PDXDC1: variants seen among roughly 807,000 people sequenced by gnomAD.
The protein encoded by PDXDC1 is pyridoxal dependent decarboxylase domain containing 1.
PDXDC1 carries 42 observed loss-of-function variants against 100.1 expected under a neutral mutation model. The observed-to-expected ratio is 0.42, with a 90% CI of 0.33 to 0.54. The LOEUF is 0.54. PDXDC1 is among the 20% of genes least tolerant of loss of function. PDXDC1 has a pLI of 0.10. For synonymous variants in PDXDC1, 260 were observed against 371.7 expected, an observed-to-expected ratio of 0.70 and a Z score of 3.46; for missense variants, 636 against 979.2, an observed-to-expected ratio of 0.65 and a Z score of 4.68.
At chr16:15,067,190 G>C (rs1220290396) in intron 16 of PDXDC1, among the ~76,000 whole-genome samples, 1 of 151,938 alleles carries the variant, frequency 6.6e-6, no homozygotes. Flanking sequence ...GGCTGACGGA[G>C]CTCAGCAAGC....
At chr16:15,142,207 G>A (rs1432830027), downstream of PDXDC1, among the ~76,000 whole-genome samples, 1 of 152,142 alleles carries the variant, frequency 6.6e-6, no homozygotes, top group African/African-American at 2.4e-5. Flanking sequence ...CAGGGCAGGG[G>A]TGGGGGCAGG....
At chr16:15,064,726 G>A (rs2044882844) in intron 16 of PDXDC1, among the ~76,000 whole-genome samples, 1 of 152,218 alleles carries the variant, frequency 6.6e-6, no homozygotes, top group Non-Finnish European at 1.5e-5. Context: ...GCGCCACTCG[G>A]CAAGTCCTGC....
chr16:15,103,122 A>T (rs2046622545), intron 16 of PDXDC1: 1 of 517,840 alleles, frequency 1.9e-6, no homozygotes, highest in East Asian at 3.5e-5. Flanking sequence ...AAAAAAAAAA[A>T]AAAAAATCTT....
chr16:15,106,703 C>A (rs1403471056), intron 16 of PDXDC1, among the ~76,000 whole-genome samples: 1 of 135,856 alleles, frequency 7.4e-6, no homozygotes, highest in Non-Finnish European at 1.7e-5. Context: ...TGCAGTGAGC[C>A]AAGATCACGT....
In PDXDC1 at chr16:15,028,921, A is replaced by C; in HGVS notation, c.1248A>C (p.Ser416=). Reference sequence around the variant, plus strand: ...TCCCAGTGCCCAACATGACACCTTCAGGAGTCGGCCGGGAGAGGCACTCGT... The same window carrying C: ...TCCCAGTGCCCAACATGACACCTTCCGGAGTCGGCCGGGAGAGGCACTCGT... ...KAVPVPNMTP[S]GVGRERHSCD... The change falls in exon 15 of 23, where the codon TCA becomes TCC. Residue 416 remains serine (S), a synonymous_variant. Transcript: ENST00000396410. The C allele has an allele frequency of 6.2e-7, 1 of 1,613,942 alleles. No individual in the cohort carries two copies. Among genetic ancestry groups the C allele is most frequent in the South Asian group, 1.1e-5 (1 of 91,078 alleles).
At chr16:15,131,313 C>T (rs560573571) in intron 16 of PDXDC1, 31 of 1,572,086 alleles carry the variant, frequency 2.0e-5, no homozygotes, top group Middle Eastern at 2.3e-4. Flanking sequence ...GTGTCTGGAA[C>T]GCCATCGAGG....
chr16:14,975,965 C>T lies in PDXDC1; in HGVS notation c.21+745C>T, dbSNP rs542934382. On this transcript the variant is annotated intron_variant, in intron 1 of 22. Coordinates refer to ENST00000396410, the MANE Select transcript of PDXDC1 (RefSeq NM_015027.4). ...CTTCCTGGCTCCCCCATTCCAGTGG[C>T]GAGGAGGGATCCCCGAGTCAACTCG... 3.7e-4 allele frequency among the ~76,000 whole-genome samples: 56 copies of T among 152,416 alleles called. No individual in the cohort carries two copies. In the South Asian group the frequency reaches 0.012, roughly 32 times the overall value.
At chr16:15,061,745 CAG>C in intron 16 of PDXDC1, 1 of 1,606,066 alleles carries the variant, frequency 6.2e-7, no homozygotes, top group Non-Finnish European at 8.5e-7. Flanking sequence ...TTTCTGCCGT[CAG>C]AGGGGACTGG....
At chr16:15,145,563 C>T in the PDXDC1 span, among the ~76,000 whole-genome samples, 2 of 152,252 alleles carry the variant, frequency 1.3e-5, no homozygotes, top group Admixed American at 6.5e-5. Flanking sequence ...GAACGCCAGG[C>T]TGGGCCAGGG....
chr16:15,049,538 C>T (rs2044216229), intron 16 of PDXDC1, among the ~76,000 whole-genome samples: 1 of 152,070 alleles, frequency 6.6e-6, no homozygotes, highest in African/African-American at 2.4e-5. Context: ...AAGCGATTCT[C>T]GTGCCTCAGC....
rs878973558 is a variant in PDXDC1 at position 15,022,814 on chromosome 16, T to C, written c.1140+60T>C. On this transcript the variant is annotated intron_variant, in intron 13 of 22. Coordinates refer to ENST00000396410, the MANE Select transcript of PDXDC1 (RefSeq NM_015027.4). ...AACTTTTTTTGAACCTCAGCAACTTTGAATGATTTTAGAACTTTAGAATGA... is the reference window on the plus strand; with the variant it reads ...AACTTTTTTTGAACCTCAGCAACTTCGAATGATTTTAGAACTTTAGAATGA... 3.1e-5 allele frequency: 41 copies of C among 1,313,698 alleles called. No homozygotes were observed. In the Middle Eastern group the frequency reaches 5.4e-4, roughly 17 times the overall value. 81.4% of individuals were successfully genotyped at this position (1,313,698 alleles called of 1,614,324 possible). A position where few individuals can be genotyped will look rare whatever the true frequency, so the allele number is the denominator to read the frequency against.
At chr16:15,039,926 C>T (rs750307054), downstream of PDXDC1, 40 of 1,008,890 alleles carry the variant, frequency 4.0e-5, no homozygotes, top group Non-Finnish European at 5.6e-5. Context: ...CATTTGATGC[C>T]TTTTTTTTTT....
chr16:15,142,882 C>G (rs1414105962), downstream of PDXDC1, among the ~76,000 whole-genome samples: 3 of 152,046 alleles, frequency 2.0e-5, no homozygotes, highest in Admixed American at 6.6e-5. Context: ...GACCACCGAG[C>G]GGCCCTAAGC....
At chr16:15,000,032 C>G (rs927438070) in intron 3 of PDXDC1, among the ~76,000 whole-genome samples, 2 of 152,400 alleles carry the variant, frequency 1.3e-5, no homozygotes, top group African/African-American at 4.8e-5. Flanking sequence ...CACTCCTATT[C>G]GTAGCATGAA....
intron 1 of PDXDC1, among the ~76,000 whole-genome samples, chr16:14,985,090 G>A (rs1176050594): frequency 2.0e-5 from 3 of 152,186 alleles, no homozygotes; most frequent in Non-Finnish European, 4.4e-5. Flanking sequence ...TCTTGGCCAG[G>A]CTGGTCTCGA....
chr16:15,092,470 C>T (rs1025810106), intron 16 of PDXDC1: 15 of 1,336,044 alleles, frequency 1.1e-5, no homozygotes, highest in African/African-American at 1.4e-5. Context: ...TGTATTCTGA[C>T]CTAACCAAAA....
At chr16:15,072,860 T>C (rs2045295107) in intron 16 of PDXDC1, 1 of 1,295,796 alleles carries the variant, frequency 7.7e-7, no homozygotes, top group Non-Finnish European at 1.1e-6. Flanking sequence ...AATTATTTAC[T>C]TCATGGTCTC....
At chr16:15,102,674 T>G (rs79278443) in intron 16 of PDXDC1, among the ~76,000 whole-genome samples, 1 of 146,652 alleles carries the variant, frequency 6.8e-6, no homozygotes, top group South Asian at 2.2e-4. Flanking sequence ...TAAGGCCAGG[T>G]GTACAGTAGC....
chr16:14,975,553 G>A lies in PDXDC1; in HGVS notation c.21+333G>A, dbSNP rs1032847499. The stretch of plus-strand genomic sequence containing the variant: ...GGCCTGAGCTCGGCTGGCCCTTTCG[G>A]AGGACCGGGAGCTCTCCGTTGGCGG... On this transcript the variant is annotated intron_variant, in intron 1 of 22. Coordinates refer to ENST00000396410, the MANE Select transcript of PDXDC1 (RefSeq NM_015027.4). The A allele has an allele frequency of 3.0e-6, 3 of 985,370 alleles. No individual in the cohort carries two copies. The Admixed American group carries it at 1.8e-4, about 61-fold the overall frequency. 61.0% of individuals were successfully genotyped at this position (985,370 alleles called of 1,614,324 possible).
Sources: gnomAD v4.1 joint callset for allele counts (sites outside exome capture counted in the v4.1 genomes callset) on GRCh38, gnomAD v4.1.1 for gene constraint, MANE v1.5 for transcripts, NCBI Gene and HGNC (gene_info 2026-07-23, HGNC 2026-07-21) for gene names.